The following ARHGEF28 variants were observed in gnomAD, a reference collection of about 807,000 sequenced individuals.
The protein encoded by ARHGEF28 is 190 kDa guanine nucleotide exchange factor.
A neutral mutation model predicts 206.6 loss-of-function variants in ARHGEF28; 152 were observed. The ratio of observed to expected loss-of-function variants is 0.74; its 90% CI spans 0.64 to 0.84. The LOEUF (loss-of-function observed/expected upper bound fraction) is 0.84. Ranked by LOEUF, ARHGEF28 falls within the 40% of genes least tolerant of loss-of-function variation. The probability of loss-of-function intolerance (pLI) is 0.00; values close to 1 mark genes in which losing one functional copy is unlikely to be tolerated. For synonymous variants in ARHGEF28, 763 were observed against 776.4 expected, an observed-to-expected ratio of 0.98 and a Z score of 0.29; for missense variants, 2,028 against 2,073.2, an observed-to-expected ratio of 0.98 and a Z score of 0.42.
At chr5:73,778,623 G>T (rs1753665149) in intron 6 of ARHGEF28, among the ~76,000 whole-genome samples, 2 of 152,140 alleles carry the variant, frequency 1.3e-5, no homozygotes, top group Non-Finnish European at 2.9e-5. Flanking sequence ...AGAAGGAAGG[G>T]CTGAGAGATT....
chr5:73,915,332 G>A lies in ARHGEF28; in HGVS notation c.4948+3757G>A, dbSNP rs548519216. 5.9e-5 allele frequency among the ~76,000 whole-genome samples: 9 copies of A among 152,090 alleles called. No homozygotes were observed. In the South Asian group the frequency reaches 1.2e-3, roughly 21 times the overall value. On this transcript the variant is annotated intron_variant, in intron 35 of 35. Transcript: ENST00000513042. ...AAAAATATTTTGTTTCTCCAATGTTGCCTAATAATAAACCCATGTTATCTG... is the reference window on the plus strand; with the variant it reads ...AAAAATATTTTGTTTCTCCAATGTTACCTAATAATAAACCCATGTTATCTG...
intron 2 of ARHGEF28, among the ~76,000 whole-genome samples, chr5:73,724,864 C>G (rs987864377): frequency 6.6e-6 from 1 of 152,184 alleles, no homozygotes; most frequent in Non-Finnish European, 1.5e-5. Flanking sequence ...CATCCATACA[C>G]AGATTTCATG....
intron 1 of ARHGEF28, among the ~76,000 whole-genome samples, chr5:73,645,594 CAT>C (rs1744378177): frequency 1.3e-5 from 2 of 152,244 alleles, no homozygotes; most frequent in African/African-American, 4.8e-5. Context: ...CCTCAGAAAA[CAT>C]GATACTGAAC....
At chr5:73,872,910 A>T in intron 21 of ARHGEF28, 89 bp from the exon 22 acceptor site, 1 of 1,413,476 alleles carries the variant, frequency 7.1e-7, no homozygotes, top group Admixed American at 2.3e-5. Context: ...TATTTGCGTA[A>T]CATATAGTGT....
At chr5:73,639,778 A>C (rs1289580468) in intron 1 of ARHGEF28, among the ~76,000 whole-genome samples, 1 of 152,202 alleles carries the variant, frequency 6.6e-6, no homozygotes, top group Non-Finnish European at 1.5e-5. Flanking sequence ...GATTTGAAGA[A>C]GACGTGTTGG....
intron 1 of ARHGEF28, among the ~76,000 whole-genome samples, chr5:73,660,543 T>G (rs1377950719): frequency 6.6e-6 from 1 of 152,206 alleles, no homozygotes; most frequent in Non-Finnish European, 1.5e-5. Context: ...ATTTTCAGTT[T>G]ACTTTGCTCA....
intron 2 of ARHGEF28, among the ~76,000 whole-genome samples, chr5:73,725,989 G>T (rs955668534): frequency 6.6e-6 from 1 of 152,170 alleles, no homozygotes; most frequent in Non-Finnish European, 1.5e-5. Context: ...TCCTGTCAGG[G>T]TCAATTGTTA....
intron 4 of ARHGEF28, among the ~76,000 whole-genome samples, chr5:73,765,948 C>A (rs1337939529): frequency 6.6e-6 from 1 of 152,032 alleles, no homozygotes; most frequent in Admixed American, 6.6e-5. Flanking sequence ...GTCAGGAGAT[C>A]GAGACCATCT....
intron 9 of ARHGEF28, among the ~76,000 whole-genome samples, chr5:73,801,310 G>A (rs1202998596): frequency 6.6e-6 from 1 of 152,208 alleles, no homozygotes; most frequent in Non-Finnish European, 1.5e-5. Context: ...AGCCAGGCGT[G>A]GTGGTAGGCG....
chr5:73,736,311 C>T (rs1164605145), intron 2 of ARHGEF28, among the ~76,000 whole-genome samples: 1 of 152,192 alleles, frequency 6.6e-6, no homozygotes, highest in Non-Finnish European at 1.5e-5. Flanking sequence ...GGACGCAGCA[C>T]TGACCACAGT....
chr5:73,633,846 GGGTTACAGGCAT>G (rs1561298603), intron 1 of ARHGEF28, among the ~76,000 whole-genome samples: 1 of 152,030 alleles, frequency 6.6e-6, no homozygotes, highest in Non-Finnish European at 1.5e-5. Context: ...CAACGTGCTG[GGGTTACAGGCAT>G]GAGCCACCAT....
In ARHGEF28 at chr5:73,882,580, C is replaced by G; in HGVS notation, c.2923C>G (p.Gln975Glu). The change falls in exon 23 of 36, where the codon CAG becomes GAG. Residue 975 changes from glutamine to glutamate, a missense_variant. Physicochemically the swap from Gln to Glu is conservative, Grantham distance 29. This residue lies in a region of ARHGEF28 where 223 missense variants were observed against 289.9 expected (regional missense o/e 0.77). Transcript: ENST00000513042. Reference protein sequence around the residue: ...FKELQQNKKFQNFIKLRNSNL... With the variant: ...FKELQQNKKFENFIKLRNSNL... ...AGAACTCCAGCAGAATAAAAAGTTT[C>G]AGAATTTTATTAAGGCAAGTATTTT... 2 of 1,494,170 alleles carry G rather than the reference C, an allele frequency of 1.3e-6. No individual in the cohort carries two copies. The allele number at this position is 1,494,170 out of a possible 1,614,324, so 92.6% of individuals were successfully genotyped here.
At chr5:73,892,320 C>A in intron 27 of ARHGEF28, 90 bp downstream of exon 27, 1 of 1,437,220 alleles carries the variant, frequency 7.0e-7, no homozygotes, top group Admixed American at 2.2e-5. Context: ...GAAAACTTTG[C>A]CTCTGCCAGA....
chr5:73,894,475 C>T lies in ARHGEF28; in HGVS notation c.3741C>T (p.Ser1247=), dbSNP rs549304575. 7.3e-5 allele frequency: 118 copies of T among 1,613,810 alleles called. No homozygotes were observed. The highest frequency in any genetic ancestry group is 5.8e-4 in the Admixed American group (35 of 59,980). Residue 1247 remains serine (S), a synonymous_variant, in exon 29 of 36, where the codon AGC becomes AGT. Transcript: ENST00000513042. ...LHIYAELGEL[S]GFEDVHLEPH... ...TCTATGCTGAACTTGGAGAACTGAG[C>T]GGATTTGAGGACGTCCATCTAGAGC...
At chr5:73,930,718 C>T (rs538706187) in intron 35 of ARHGEF28, among the ~76,000 whole-genome samples, 1 of 152,336 alleles carries the variant, frequency 6.6e-6, no homozygotes, top group East Asian at 1.9e-4. Flanking sequence ...CATACCTTCT[C>T]CCTTACTCCT....
intron 2 of ARHGEF28, among the ~76,000 whole-genome samples, chr5:73,722,250 T>G (rs1008139328): frequency 1.3e-5 from 2 of 152,242 alleles, no homozygotes; most frequent in Admixed American, 6.5e-5. Context: ...ATCCATGACA[T>G]AGCAGACACT....
At chr5:73,673,982 G>T (rs572480111) in intron 1 of ARHGEF28, among the ~76,000 whole-genome samples, 2 of 150,702 alleles carry the variant, frequency 1.3e-5, no homozygotes, top group South Asian at 4.2e-4. Context: ...GACCAGCCTG[G>T]GCAACAGAGT....
intron 22 of ARHGEF28, among the ~76,000 whole-genome samples, chr5:73,880,028 C>A (rs543597554): frequency 2.0e-5 from 3 of 152,216 alleles, no homozygotes; most frequent in Non-Finnish European, 4.4e-5. Flanking sequence ...CTGCCCCCAG[C>A]GGTGGAGCCT....
chr5:73,864,683 C>T, intron 16 of ARHGEF28, 134 bp from the exon 17 acceptor site: 3 of 708,014 alleles, frequency 4.2e-6, no homozygotes, highest in African/African-American at 1.8e-5. Context: ...TTTGTCTTTC[C>T]TTCTTTAGTT....
Sources: allele counts gnomAD v4.1 joint callset (sites outside exome capture counted in the v4.1 genomes callset), GRCh38; gene constraint gnomAD v4.1.1; regional missense constraint gnomAD v4.1.1; transcripts MANE v1.5; gene names NCBI Gene and HGNC (gene_info 2026-07-23, HGNC 2026-07-21).